CDH12: variants seen among roughly 807,000 people sequenced by gnomAD.
CDH12 encodes cadherin 12.
CDH12 carries 41 observed loss-of-function variants against 74.1 expected under a neutral mutation model. The observed-to-expected ratio is 0.55, with a 90% CI of 0.43 to 0.72. CDH12 has a LOEUF of 0.72. Among genes scored for constraint, CDH12 ranks in the 30% least tolerant of loss-of-function variants. The pLI is 0.00. For synonymous variants in CDH12, 399 were observed against 355.0 expected (o/e 1.12, Z -1.39); for missense variants, 945 against 977.2 (o/e 0.97, Z 0.44).
chr5:22,344,160 C>A (rs996032605), intron 3 of CDH12, among the ~76,000 whole-genome samples: 1 of 152,094 alleles, frequency 6.6e-6, no homozygotes, highest in African/African-American at 2.4e-5. Flanking sequence ...CTGTCATAGG[C>A]GAAAATTGGG....
intron 1 of CDH12, among the ~76,000 whole-genome samples, chr5:22,506,517 A>T (rs1376193477): frequency 6.6e-6 from 1 of 152,020 alleles, no homozygotes; most frequent in Non-Finnish European, 1.5e-5. Context: ...GTACTTCCTT[A>T]AGTCCTGGCA....
intron 2 of CDH12, among the ~76,000 whole-genome samples, chr5:22,446,527 T>C (rs1744822903): frequency 6.6e-6 from 1 of 152,128 alleles, no homozygotes; most frequent in Non-Finnish European, 1.5e-5. Flanking sequence ...GATAGAAGTT[T>C]AATAAGCTAA....
intron 3 of CDH12, among the ~76,000 whole-genome samples, chr5:22,389,503 T>G: frequency 6.6e-6 from 1 of 152,232 alleles, no homozygotes; most frequent in East Asian, 1.9e-4. Flanking sequence ...ATTATTTTAC[T>G]TAGGTAAAAA....
intron 1 of CDH12, among the ~76,000 whole-genome samples, chr5:22,595,540 G>A (rs1208256802): frequency 1.3e-5 from 2 of 152,088 alleles, no homozygotes; most frequent in African/African-American, 2.4e-5. Flanking sequence ...ATATAAGTAT[G>A]GTTATTTCAT....
chr5:22,211,583 T>A (rs899635256), intron 4 of CDH12, among the ~76,000 whole-genome samples: 3 of 151,908 alleles, frequency 2.0e-5, no homozygotes, highest in African/African-American at 7.2e-5. Context: ...AATTAAACTT[T>A]GGAAAAAAGT....
chr5:21,840,414 AC>A (rs1336388815), intron 8 of CDH12, among the ~76,000 whole-genome samples: 17 of 146,030 alleles, frequency 1.2e-4, no homozygotes, highest in African/African-American at 4.1e-4. Flanking sequence ...AAAATGTTCA[AC>A]CCTGAAGATT....
intron 8 of CDH12, among the ~76,000 whole-genome samples, chr5:21,835,431 T>G (rs1749477744): frequency 6.6e-6 from 1 of 151,752 alleles, no homozygotes; most frequent in Non-Finnish European, 1.5e-5. Flanking sequence ...GAACACTTGT[T>G]TTTAGCAGGC....
At chr5:21,808,870 T>C (rs1261571470) in intron 9 of CDH12, among the ~76,000 whole-genome samples, 1 of 152,062 alleles carries the variant, frequency 6.6e-6, no homozygotes, top group East Asian at 1.9e-4. Flanking sequence ...GGTGAGAATG[T>C]CCCTGTAACA....
chr5:22,608,940 G>A (rs151011081), intron 1 of CDH12, among the ~76,000 whole-genome samples: 2 of 152,260 alleles, frequency 1.3e-5, no homozygotes, highest in East Asian at 3.9e-4. Flanking sequence ...TTATAGTGGT[G>A]TGAGGACAGA....
At chr5:22,102,453 G>A (rs1443968435) in intron 4 of CDH12, among the ~76,000 whole-genome samples, 1 of 152,132 alleles carries the variant, frequency 6.6e-6, no homozygotes, top group African/African-American at 2.4e-5. Context: ...TGGATCATCT[G>A]AGGTCAGGAG....
At chr5:22,146,261 CT>C (rs1440642074) in intron 4 of CDH12, among the ~76,000 whole-genome samples, 32 of 152,096 alleles carry the variant, frequency 2.1e-4, no homozygotes, top group African/African-American at 7.5e-4. Flanking sequence ...ATCTAAAATA[CT>C]TGATGGTAAG....
intron 3 of CDH12, among the ~76,000 whole-genome samples, chr5:22,352,571 A>T (rs1740400325): frequency 6.6e-6 from 1 of 152,138 alleles, no homozygotes; most frequent in Non-Finnish European, 1.5e-5. Flanking sequence ...GGAGAGAGAG[A>T]CAACGTTATA....
intron 1 of CDH12, among the ~76,000 whole-genome samples, chr5:22,812,054 G>T (rs1320092103): frequency 6.6e-6 from 1 of 152,094 alleles, no homozygotes; most frequent in Non-Finnish European, 1.5e-5. Flanking sequence ...GATTTTAAAG[G>T]AATCTGAATC....
chr5:21,759,397 C>A (rs1744586348), intron 13 of CDH12, among the ~76,000 whole-genome samples: 1 of 151,554 alleles, frequency 6.6e-6, no homozygotes, highest in Non-Finnish European at 1.5e-5. Context: ...ACTATGCAAA[C>A]CATGTCTCTC....
intron 6 of CDH12, among the ~76,000 whole-genome samples, chr5:21,915,978 C>T (rs1023511962): frequency 1.4e-4 from 21 of 151,588 alleles, no homozygotes; most frequent in African/African-American, 5.1e-4. Flanking sequence ...AATATATAAA[C>T]AACAAAGTAT....
chr5:22,155,678 T>C (rs1747979983), intron 4 of CDH12, among the ~76,000 whole-genome samples: 1 of 152,126 alleles, frequency 6.6e-6, no homozygotes, highest in African/African-American at 2.4e-5. Context: ...GTTATTTTTA[T>C]ACAGAACAGA....
intron 1 of CDH12, among the ~76,000 whole-genome samples, chr5:22,686,742 A>T (rs1741816117): frequency 6.6e-6 from 1 of 152,226 alleles, no homozygotes; most frequent in African/African-American, 2.4e-5. Context: ...ATTAAATTAA[A>T]TTCAATAATA....
At chr5:21,938,717 A>AATATATATATATATATATAT (rs1554046002) in intron 6 of CDH12, among the ~76,000 whole-genome samples, 3 of 106,686 alleles carry the variant, frequency 2.8e-5, no homozygotes, top group African/African-American at 4.8e-5. Flanking sequence ...TTATATATAT[A>AATATATATATATATATATAT]ATATACATAT....
chr5:22,347,640 T>C (rs192630642), intron 3 of CDH12, among the ~76,000 whole-genome samples: 170 of 152,294 alleles, frequency 1.1e-3, no homozygotes, highest in Middle Eastern at 6.8e-3. Flanking sequence ...TTAAGTTCTG[T>C]CCCTCTAAAG....
Sources: gnomAD v4.1 joint callset for allele counts (sites outside exome capture counted in the v4.1 genomes callset) on GRCh38, gnomAD v4.1.1 for gene constraint, MANE v1.5 for transcripts, NCBI Gene and HGNC (gene_info 2026-07-23, HGNC 2026-07-21) for gene names.